The following DGKB variants were observed in gnomAD, a reference collection of about 807,000 sequenced individuals.
DGKB encodes the protein 90 kDa diacylglycerol kinase.
Under a neutral mutation model 114.3 loss-of-function variants are expected in DGKB, and 67 were observed. The ratio of observed to expected loss-of-function variants is 0.59; its 90% CI spans 0.48 to 0.72. The LOEUF is 0.72. Among genes scored for constraint, DGKB ranks in the 30% least tolerant of loss-of-function variants. The probability of loss-of-function intolerance (pLI) is 0.00; values close to 1 mark genes in which losing one functional copy is unlikely to be tolerated. For missense variants in DGKB, 907 were observed against 975.2 expected (o/e 0.93, Z 0.93); for synonymous variants, 398 against 323.1 (o/e 1.23, Z -2.49).
chr7:14,420,116 A>G (rs1826427390), intron 21 of DGKB, among the ~76,000 whole-genome samples: 1 of 151,980 alleles, frequency 6.6e-6, no homozygotes, highest in African/African-American at 2.4e-5. Context: ...AGCCCTGGGC[A>G]TAGAAAACTG....
At chr7:14,696,694 T>C (rs917823261) in intron 8 of DGKB, among the ~76,000 whole-genome samples, 6 of 152,080 alleles carry the variant, frequency 3.9e-5, no homozygotes, top group East Asian at 1.9e-4. Context: ...ATTCCTGGCT[T>C]TCAGTGAAAA....
chr7:14,223,252 A>C (rs1790277775), intron 23 of DGKB, among the ~76,000 whole-genome samples: 1 of 151,616 alleles, frequency 6.6e-6, no homozygotes, highest in South Asian at 2.1e-4. Context: ...CAAATGCAGA[A>C]TTTATCTTAC....
intron 23 of DGKB, among the ~76,000 whole-genome samples, chr7:14,279,117 G>A (rs1462762785): frequency 6.6e-6 from 1 of 152,202 alleles, no homozygotes; most frequent in Non-Finnish European, 1.5e-5. Flanking sequence ...AGAAAGGGGT[G>A]ATGGACGGCA....
intron 21 of DGKB, among the ~76,000 whole-genome samples, chr7:14,437,195 A>G (rs972473145): frequency 1.3e-5 from 2 of 152,092 alleles, no homozygotes; most frequent in African/African-American, 4.8e-5. Flanking sequence ...TGCAAGAACA[A>G]CAACAATAAG....
chr7:14,422,146 C>T (rs1008296095), intron 21 of DGKB, among the ~76,000 whole-genome samples: 1 of 151,954 alleles, frequency 6.6e-6, no homozygotes, highest in Non-Finnish European at 1.5e-5. Flanking sequence ...TTCCATTAAC[C>T]TAAAAGGAAA....
chr7:14,592,487 G>A (rs547509950), intron 17 of DGKB, among the ~76,000 whole-genome samples: 14 of 151,954 alleles, frequency 9.2e-5, no homozygotes, highest in African/African-American at 2.9e-4. Context: ...AGATTAGATG[G>A]ATTCAAAATT....
intron 2 of DGKB, among the ~76,000 whole-genome samples, chr7:14,784,437 G>A (rs1179747643): frequency 5.0e-5 from 7 of 141,104 alleles, no homozygotes; most frequent in Admixed American, 4.5e-4. Flanking sequence ...GTTCGATCTT[G>A]GCTCAATGCA....
chr7:14,211,382 T>TTTTA (rs1554289171), intron 23 of DGKB, among the ~76,000 whole-genome samples: 1 of 75,032 alleles, frequency 1.3e-5, no homozygotes, highest in South Asian at 4.4e-4. Flanking sequence ...TGTTTTGTGA[T>TTTTA]TTTACTCTCA....
At chr7:14,467,493 A>T (rs182440242) in intron 21 of DGKB, among the ~76,000 whole-genome samples, 35 of 152,042 alleles carry the variant, frequency 2.3e-4, no homozygotes, top group Admixed American at 7.2e-4. Flanking sequence ...TATATAAAAC[A>T]TAACACACAT....
At chr7:14,901,126 C>T (rs1410458418) in intron 1 of DGKB, among the ~76,000 whole-genome samples, 1 of 152,070 alleles carries the variant, frequency 6.6e-6, no homozygotes, top group African/African-American at 2.4e-5. Flanking sequence ...GCATGGATCG[C>T]CTATAACAAA....
chr7:14,377,613 G>A (rs1818707268), intron 21 of DGKB, among the ~76,000 whole-genome samples: 1 of 152,048 alleles, frequency 6.6e-6, no homozygotes, highest in African/African-American at 2.4e-5. Flanking sequence ...CTTGTAACTT[G>A]GTAACAAACG....
At chr7:14,412,108 A>C (rs140448805) in intron 21 of DGKB, among the ~76,000 whole-genome samples, 4 of 152,332 alleles carry the variant, frequency 2.6e-5, no homozygotes, top group African/African-American at 9.6e-5. Flanking sequence ...ATGTATATGC[A>C]TGTGTGATTG....
intron 21 of DGKB, among the ~76,000 whole-genome samples, chr7:14,437,467 G>A (rs760431833): frequency 2.4e-4 from 36 of 152,102 alleles, no homozygotes; most frequent in South Asian, 1.9e-3. Context: ...TGACTGTGCG[G>A]AAAATATGCT....
intron 1 of DGKB, among the ~76,000 whole-genome samples, chr7:14,936,837 A>C (rs535150568): frequency 1.3e-5 from 2 of 152,246 alleles, no homozygotes; most frequent in East Asian, 3.9e-4. Flanking sequence ...GCAGTGTTAC[A>C]AAAGGGCAGA....
chr7:14,469,636 T>C (rs1305155513), intron 21 of DGKB, among the ~76,000 whole-genome samples: 4 of 151,984 alleles, frequency 2.6e-5, no homozygotes, highest in African/African-American at 9.7e-5. Flanking sequence ...TTCAGGTGAA[T>C]TGAAACCCCC....
rs531024361 is a variant in DGKB at position 14,398,806 on chromosome 7, T to G, written c.1836-53415A>C. Among the ~76,000 whole-genome samples, 11 of 144,626 alleles carry G rather than the reference T, an allele frequency of 7.6e-5. No individual in the cohort carries two copies. The South Asian group carries it at 2.4e-3, about 32-fold the overall frequency. 94.9% of individuals were successfully genotyped at this position (144,626 alleles called of 152,430 possible). The stretch of plus-strand genomic sequence containing the variant: ...ATGGTCTATGACTAAAAAAAAAAAG[T>G]TGCAGAAACAAGAGGGAGGCAAGAT... On this transcript the variant is annotated intron_variant, in intron 21 of 25. Transcript: ENST00000402815.
chr7:14,754,607 G>A (rs1834602831), intron 3 of DGKB, among the ~76,000 whole-genome samples: 1 of 152,024 alleles, frequency 6.6e-6, no homozygotes, highest in Admixed American at 6.6e-5. Context: ...ATGCTAAACT[G>A]GTTTCCCCTC....
In DGKB at chr7:14,890,490, A is replaced by G. The variant is rs76523539; in HGVS notation, c.-188+12102T>C. On this transcript the variant is annotated intron_variant, in intron 1 of 25. Transcript: ENST00000402815. ...AAAATGATGTGGGGATAGGGCTGTAAGAAATGAAGTCCTAGCACAAGTGAC... is the reference window on the plus strand; with the variant it reads ...AAAATGATGTGGGGATAGGGCTGTAGGAAATGAAGTCCTAGCACAAGTGAC... 1.8e-3 allele frequency among the ~76,000 whole-genome samples: 278 copies of G among 151,566 alleles called. 1 individual carries two copies. The highest frequency in any genetic ancestry group is 6.6e-3 in the African/African-American group (274 of 41,464).
chr7:14,433,872 A>G (rs918253067), intron 21 of DGKB, among the ~76,000 whole-genome samples: 3 of 152,332 alleles, frequency 2.0e-5, no homozygotes, highest in East Asian at 3.9e-4. Context: ...TATGTCTTAT[A>G]TACACCTTAC....
Sources: gnomAD v4.1 joint callset for allele counts (sites outside exome capture counted in the v4.1 genomes callset) on GRCh38, gnomAD v4.1.1 for gene constraint, MANE v1.5 for transcripts, NCBI Gene and HGNC (gene_info 2026-07-23, HGNC 2026-07-21) for gene names.